The following UBASH3B variants were observed in gnomAD, a reference collection of about 807,000 sequenced individuals.
The protein encoded by UBASH3B is ubiquitin-associated and SH3 domain-containing protein B.
In UBASH3B, 37 loss-of-function variants were observed where a neutral mutation model predicts 83.4. The ratio of observed to expected loss-of-function variants is 0.44; its 90% confidence interval spans 0.34 to 0.58. The LOEUF (loss-of-function observed/expected upper bound fraction) is 0.58. Among genes scored for constraint, UBASH3B ranks in the 20% least tolerant of loss-of-function variants. The pLI is 0.01. For synonymous variants in UBASH3B, 304 were observed against 318.3 expected (o/e 0.96, Z 0.48); for missense variants, 657 against 827.2 (o/e 0.79, Z 2.52).
At chr11:122,675,314 C>T (rs1171736852) in intron 1 of UBASH3B, among the ~76,000 whole-genome samples, 1 of 152,204 alleles carries the variant, frequency 6.6e-6, no homozygotes, top group African/African-American at 2.4e-5. Flanking sequence ...GACCACATTG[C>T]AGGAAAGTGT....
intron 4 of UBASH3B, chr11:122,782,370 A>T (rs1860870397): frequency 6.6e-6 from 1 of 152,156 alleles, no homozygotes; most frequent in South Asian, 2.1e-4. Flanking sequence ...GTCTCAACTA[A>T]GGGTGATTTT....
chr11:122,752,493 G>A (rs1365886553), intron 1 of UBASH3B, among the ~76,000 whole-genome samples: 2 of 152,198 alleles, frequency 1.3e-5, no homozygotes, highest in Non-Finnish European at 2.9e-5. Flanking sequence ...CTTGTAACAG[G>A]AATAAGGCTT....
At chr11:122,673,120 T>C (rs1307161147) in intron 1 of UBASH3B, among the ~76,000 whole-genome samples, 1 of 152,168 alleles carries the variant, frequency 6.6e-6, no homozygotes, top group Non-Finnish European at 1.5e-5. Flanking sequence ...CAGTGAGTTG[T>C]GCTCAGCATT....
chr11:122,661,615 C>T (rs947956396), intron 1 of UBASH3B, among the ~76,000 whole-genome samples: 5 of 152,192 alleles, frequency 3.3e-5, no homozygotes, highest in Non-Finnish European at 4.4e-5. Flanking sequence ...CCACATAACA[C>T]GCCCTTCTAT....
At chr11:122,663,007 C>T (rs1442986395) in intron 1 of UBASH3B, among the ~76,000 whole-genome samples, 2 of 130,528 alleles carry the variant, frequency 1.5e-5, no homozygotes, top group African/African-American at 3.0e-5. Flanking sequence ...GATGGAGTCT[C>T]GCTCTGTTTC....
chr11:122,678,908 A>G (rs1230560547), intron 1 of UBASH3B, among the ~76,000 whole-genome samples: 1 of 152,210 alleles, frequency 6.6e-6, no homozygotes, highest in Non-Finnish European at 1.5e-5. Flanking sequence ...GCCATCCCAA[A>G]TAACACTCAT....
intron 1 of UBASH3B, among the ~76,000 whole-genome samples, chr11:122,658,619 A>G (rs1191226290): frequency 1.3e-5 from 2 of 152,250 alleles, no homozygotes; most frequent in Non-Finnish European, 2.9e-5. Flanking sequence ...GAAGGGTTGC[A>G]TAACTTGCTC....
Position 122,656,168 on chromosome 11 carries a change from C to T in UBASH3B, c.119C>T (p.Ala40Val), listed in dbSNP as rs780814631. ...CCCGGCACCATCAAGCATGGATCGGCGCTGGACGTGCTCCTCTCCATGGGG... is the reference window on the plus strand; with the variant it reads ...CCCGGCACCATCAAGCATGGATCGGTGCTGGACGTGCTCCTCTCCATGGGG... Reference protein sequence around the residue: ...QRPGTIKHGSALDVLLSMGFP... With the variant: ...QRPGTIKHGSVLDVLLSMGFP... The change falls in exon 1 of 14, where the codon GCG becomes GTG. Residue 40 changes from alanine (A) to valine (V), a missense_variant. This residue lies in a region of UBASH3B where 78 missense variants were observed against 68.4 expected (regional missense o/e 1.14). Coordinates refer to ENST00000284273, the MANE Select transcript of UBASH3B (RefSeq NM_032873.5). The T allele has an allele frequency of 3.8e-6, 6 of 1,559,460 alleles. 1 individual carries two copies. The South Asian group carries it at 5.9e-5, about 15-fold the overall frequency.
intron 1 of UBASH3B, among the ~76,000 whole-genome samples, chr11:122,741,077 G>A (rs1654100464): frequency 6.6e-6 from 1 of 152,032 alleles, no homozygotes; most frequent in South Asian, 2.1e-4. Context: ...AGTATTTCCA[G>A]GTTATTCGCT....
intron 1 of UBASH3B, among the ~76,000 whole-genome samples, chr11:122,768,265 G>T (rs1860585002): frequency 6.6e-6 from 1 of 152,164 alleles, no homozygotes; most frequent in African/African-American, 2.4e-5. Context: ...TACAGACAGT[G>T]TCCTTCCCAC....
chr11:122,796,898 CTTTG>C lies in UBASH3B; in HGVS notation c.1235-9_1235-6del, dbSNP rs745695927. 1 of 1,614,144 alleles carries C rather than the reference CTTTG, an allele frequency of 6.2e-7. No homozygotes were observed. The highest frequency in any genetic ancestry group is 8.5e-7 in the Non-Finnish European group (1 of 1,180,030). ...AATGTATGTATCCTCTGTCTAACCT[CTTTG>C]TTTTTCAGGCCGCTACATACGCACC... On this transcript the variant is annotated splice_polypyrimidine_tract_variant and intron_variant, in intron 8 of 13. Coordinates refer to ENST00000284273, the MANE Select transcript of UBASH3B (RefSeq NM_032873.5).
chr11:122,711,483 T>A lies in UBASH3B; in HGVS notation c.161+55273T>A, dbSNP rs533015399. ...GAGTGAAGCTGAGCACAGGGCAGGA[T>A]GTGATAAGCAGGCCTGAACGGAGCC... On this transcript the variant is annotated intron_variant, in intron 1 of 13. Transcript: ENST00000284273. Among the ~76,000 whole-genome samples the A allele has an allele frequency of 3.3e-5, 5 of 152,250 alleles. No homozygotes were observed. In the South Asian group the frequency reaches 6.2e-4, roughly 19 times the overall value.
intron 1 of UBASH3B, among the ~76,000 whole-genome samples, chr11:122,719,412 G>C (rs776058187): frequency 6.6e-6 from 1 of 152,180 alleles, no homozygotes; most frequent in Non-Finnish European, 1.5e-5. Flanking sequence ...CTCTTTAAAA[G>C]TCTTTCTTAC....
At chr11:122,731,104 A>C (rs1333865365) in intron 1 of UBASH3B, among the ~76,000 whole-genome samples, 2 of 152,198 alleles carry the variant, frequency 1.3e-5, no homozygotes, top group Non-Finnish European at 2.9e-5. Context: ...AAGCGCAGAG[A>C]GCACCAGACC....
intron 1 of UBASH3B, chr11:122,774,040 A>G (rs1313706992): frequency 6.4e-5 from 63 of 984,996 alleles, no homozygotes; most frequent in Non-Finnish European, 7.2e-5. Context: ...TGTTTTGTGC[A>G]TACACGGCTT....
intron 1 of UBASH3B, among the ~76,000 whole-genome samples, chr11:122,716,908 T>C (rs1565539574): frequency 6.6e-6 from 1 of 152,088 alleles, no homozygotes; most frequent in Non-Finnish European, 1.5e-5. Flanking sequence ...GCCTCACAAT[T>C]TGGAGATGTT....
rs71054088 is a variant in UBASH3B, at chr11:122,694,954, C to CTTTTTTTTTTTTTT, written c.161+38758_161+38771dup. Among the ~76,000 whole-genome samples the CTTTTTTTTTTTTTT allele has an allele frequency of 1.3e-3, 67 of 50,422 alleles. 9 individuals are homozygous for CTTTTTTTTTTTTTT. The highest frequency in any genetic ancestry group is 3.7e-3 in the South Asian group (3 of 820). The allele number at this position is 50,422 out of a possible 152,430, so 33.1% of individuals were successfully genotyped here. ...TATTTATTTTTCTTTTCTTTTCTTT[C>CTTTTTTTTTTTTTT]TTTTTTTTTTTTTTTTTTTTTTTTT... On this transcript the variant is annotated intron_variant, in intron 1 of 13. Transcript: ENST00000284273.
In UBASH3B at chr11:122,724,368, C is replaced by T. The variant is rs143269093; in HGVS notation, c.162-51851C>T. 1.5e-3 allele frequency among the ~76,000 whole-genome samples: 225 copies of T among 152,294 alleles called. 1 individual carries two copies. Among genetic ancestry groups the T allele is most frequent in the African/African-American group, 5.3e-3 (221 of 41,570 alleles). On this transcript the variant is annotated intron_variant, in intron 1 of 13. Coordinates refer to ENST00000284273, the MANE Select transcript of UBASH3B (RefSeq NM_032873.5). ...GAAGTTGCGGCATAAGTGCTAACTT[C>T]ACTGTTGTTTGACAAACATCATGTT...
chr11:122,716,375 A>T (rs193199857), intron 1 of UBASH3B, among the ~76,000 whole-genome samples: 87 of 152,308 alleles, frequency 5.7e-4, no homozygotes, highest in African/African-American at 2.1e-3. Context: ...GTGTTTTGCC[A>T]TGTTGCCCAG....
Sources: gnomAD v4.1 joint callset for allele counts (sites outside exome capture counted in the v4.1 genomes callset) on GRCh38, gnomAD v4.1.1 for gene constraint, gnomAD v4.1.1 regional missense constraint, MANE v1.5 for transcripts, NCBI Gene and HGNC (gene_info 2026-07-23, HGNC 2026-07-21) for gene names.